Variants in YAE1 observed in about 807,000 individuals in gnomAD.
YAE1 encodes the protein YAE1 maturation factor of ABCE1.
Under a neutral mutation model 23.0 loss-of-function variants are expected in YAE1, and 22 were observed. The observed-to-expected ratio is 0.96, with a 90% CI of 0.68 to 1.37. The LOEUF (loss-of-function observed/expected upper bound fraction) is 1.37. Among genes scored for constraint, YAE1 ranks in the 40% most tolerant of loss-of-function variants. The pLI is 0.00. For synonymous variants in YAE1, 101 were observed against 97.0 expected (o/e 1.04, Z -0.24); for missense variants, 260 against 262.1 (o/e 0.99, Z 0.06).
At position 39,608,325 on chromosome 7, in the gene YAE1, G is replaced by A. The variant is rs141815864; in HGVS notation, c.252-1292G>A. ...GTTAAAAATTGGGACAATACACATGGCAAAGTTCTTGGGAATACACAGAAG... is the reference window on the plus strand; with the variant it reads ...GTTAAAAATTGGGACAATACACATGACAAAGTTCTTGGGAATACACAGAAG... On this transcript the variant is annotated intron_variant, in intron 2 of 2. Transcript: ENST00000432096. 2.1e-3 allele frequency among the ~76,000 whole-genome samples: 316 copies of A among 152,310 alleles called. 1 individual carries two copies. Among genetic ancestry groups the A allele is most frequent in the African/African-American group, 7.2e-3 (299 of 41,564 alleles).
chr7:39,605,083 C>G (rs1160009599), intron 2 of YAE1, among the ~76,000 whole-genome samples: 3 of 152,200 alleles, frequency 2.0e-5, no homozygotes, highest in Non-Finnish European at 4.4e-5. Flanking sequence ...CCTGAGCTTT[C>G]TCATAAAATA....
intron 2 of YAE1, among the ~76,000 whole-genome samples, chr7:39,599,531 C>A (rs537105195): frequency 6.6e-6 from 1 of 151,826 alleles, no homozygotes. Flanking sequence ...TGTGCCACCA[C>A]GCCTGGCCAG....
At chr7:39,567,001 G>C (rs939594761) in intron 1 of YAE1, 1 of 153,282 alleles carries the variant, frequency 6.5e-6, no homozygotes, top group Non-Finnish European at 1.5e-5. Context: ...AGGACAATAA[G>C]GGAAAGCTAA....
At chr7:39,603,146 A>ATTTG (rs34516389) in intron 2 of YAE1, among the ~76,000 whole-genome samples, 109,899 of 151,010 alleles carry the variant, frequency 0.73, 41,605 homozygotes, top group East Asian at 0.88. Context: ...GAGTTTGTTT[A>ATTTG]TTTGTTTGTT....
chr7:39,585,586 T>C (rs1230010907), intron 2 of YAE1, among the ~76,000 whole-genome samples: 1 of 152,248 alleles, frequency 6.6e-6, no homozygotes, highest in East Asian at 1.9e-4. Flanking sequence ...TACCTCGTTA[T>C]TGCAGCCCTG....
intron 2 of YAE1, among the ~76,000 whole-genome samples, chr7:39,579,522 A>ATTTTT (rs1790709599): frequency 6.6e-6 from 1 of 152,140 alleles, no homozygotes; most frequent in African/African-American, 2.4e-5. Context: ...TACAAAAATT[A>ATTTTT]GTCTTGTGTG....
At chr7:39,576,647 G>A (rs1583671109), downstream of YAE1, among the ~76,000 whole-genome samples, 2 of 152,204 alleles carry the variant, frequency 1.3e-5, no homozygotes, top group South Asian at 4.2e-4. Context: ...GCTTCATCAG[G>A]CAGAGGTGAT....
At chr7:39,591,800 A>G (rs1790904155) in intron 2 of YAE1, among the ~76,000 whole-genome samples, 1 of 152,198 alleles carries the variant, frequency 6.6e-6, no homozygotes, top group African/African-American at 2.4e-5. Context: ...GAGTATTTCC[A>G]CTGCCCTAAA....
intron 2 of YAE1, among the ~76,000 whole-genome samples, chr7:39,600,593 C>T (rs746568884): frequency 6.6e-5 from 10 of 151,902 alleles, no homozygotes; most frequent in African/African-American, 1.9e-4. Flanking sequence ...GACAGGGTTT[C>T]GCCATGTTGG....
At chr7:39,609,375 G>C (rs918281138) in intron 2 of YAE1, among the ~76,000 whole-genome samples, 1 of 152,222 alleles carries the variant, frequency 6.6e-6, no homozygotes, top group Non-Finnish European at 1.5e-5. Context: ...TCTCTATTAA[G>C]CTGTGCAGTG....
downstream of YAE1, among the ~76,000 whole-genome samples, chr7:39,576,052 T>C (rs995905890): frequency 6.6e-6 from 1 of 152,244 alleles, no homozygotes; most frequent in Non-Finnish European, 1.5e-5. Context: ...CTCTTTGTTT[T>C]TATATTCTGA....
At chr7:39,599,230 A>G (rs916159644) in intron 2 of YAE1, among the ~76,000 whole-genome samples, 1 of 151,358 alleles carries the variant, frequency 6.6e-6, no homozygotes, top group Non-Finnish European at 1.5e-5. Flanking sequence ...ACAGAGAGAC[A>G]TGGTCTCAAA....
At chr7:39,587,415 G>A (rs1368580168) in intron 2 of YAE1, among the ~76,000 whole-genome samples, 1 of 152,024 alleles carries the variant, frequency 6.6e-6, no homozygotes, top group Non-Finnish European at 1.5e-5. Flanking sequence ...CAAGTGTCCT[G>A]ACTTTCAGTT....
downstream of YAE1, among the ~76,000 whole-genome samples, chr7:39,576,692 G>GTGTC (rs557477815): frequency 7.2e-5 from 11 of 152,114 alleles, no homozygotes; most frequent in Non-Finnish European, 1.2e-4. Flanking sequence ...ATCACTTTGA[G>GTGTC]TGTCTCTTCA....
chr7:39,608,843 A>T (rs1791165675), intron 2 of YAE1, among the ~76,000 whole-genome samples: 1 of 152,236 alleles, frequency 6.6e-6, no homozygotes, highest in African/African-American at 2.4e-5. Context: ...CACTCATTAC[A>T]TAAAAGACTT....
chr7:39,574,074 C>G (rs540137882), downstream of YAE1, among the ~76,000 whole-genome samples: 8 of 152,260 alleles, frequency 5.3e-5, no homozygotes, highest in Non-Finnish European at 8.8e-5. Flanking sequence ...TGAAATACCT[C>G]TAAGGATGCA....
chr7:39,611,131 G>GAGTA (rs1385936725), downstream of YAE1, among the ~76,000 whole-genome samples: 1 of 151,188 alleles, frequency 6.6e-6, no homozygotes, highest in Middle Eastern at 3.2e-3. Context: ...CTCGGTGACA[G>GAGTA]AGTAAGATTC....
chr7:39,574,337 C>T (rs1011022232), downstream of YAE1, among the ~76,000 whole-genome samples: 1 of 152,170 alleles, frequency 6.6e-6, no homozygotes, highest in Non-Finnish European at 1.5e-5. Context: ...GTGGCTCACA[C>T]CTGTAATCTC....
rs928783937 is a variant in YAE1, at chr7:39,598,606, A to C, written c.252-11011A>C. 2.0e-5 allele frequency among the ~76,000 whole-genome samples: 3 copies of C among 151,446 alleles called. No homozygotes were observed. In the South Asian group the frequency reaches 6.3e-4, roughly 32 times the overall value. On this transcript the variant is annotated intron_variant, in intron 2 of 2. Transcript: ENST00000432096. ...AGCCTGGGCAACATGGCAAAACTCT[A>C]TCTCTACCAAAAATACAAAAATTAG...
Sources: allele counts gnomAD v4.1 joint callset (sites outside exome capture counted in the v4.1 genomes callset), GRCh38; gene constraint gnomAD v4.1.1; transcripts MANE v1.5; gene names NCBI Gene and HGNC (gene_info 2026-07-23, HGNC 2026-07-21).